Variants in OLA1 observed in about 807,000 individuals in gnomAD.
The protein encoded by OLA1 is obg-like ATPase 1.
OLA1 carries 14 observed loss-of-function variants against 48.4 expected under a neutral mutation model. The observed-to-expected ratio is 0.29, with a 90% CI of 0.19 to 0.45. The LOEUF is 0.45. Among genes scored for constraint, OLA1 ranks in the 20% least tolerant of loss-of-function variants. The probability of loss-of-function intolerance (pLI) is 1.00; values close to 1 mark genes in which losing one functional copy is unlikely to be tolerated. For synonymous variants in OLA1, 127 were observed against 150.4 expected (o/e 0.84, Z 1.14); for missense variants, 325 against 467.1 (o/e 0.70, Z 2.80).
intron 2 of OLA1, among the ~76,000 whole-genome samples, chr2:174,238,031 T>G (rs140889865): frequency 3.9e-5 from 6 of 152,286 alleles, no homozygotes; most frequent in African/African-American, 1.4e-4. Context: ...ACCAACATCA[T>G]TATGCAGCAC....
chr2:174,166,841 G>T (rs2105402047), intron 4 of OLA1, among the ~76,000 whole-genome samples: 1 of 152,186 alleles, frequency 6.6e-6, no homozygotes, highest in South Asian at 2.1e-4. Context: ...AAATTACCCT[G>T]CTAAAAGATT....
Position 174,090,476 on chromosome 2 carries a change from A to G in OLA1, c.729-8412T>C, listed in dbSNP as rs1373636317. On this transcript the variant is annotated intron_variant, in intron 7 of 10. Transcript: ENST00000284719. ...ATAGTTCCCCATTCTCCAGCTGGCA[A>G]ACGGTTTGAGGGGGCATGTGAACCA... Among the ~76,000 whole-genome samples, 8 of 152,350 alleles carry G rather than the reference A, an allele frequency of 5.3e-5. 2 individuals are homozygous for G. The Middle Eastern group carries it at 0.024, about 453-fold the overall frequency.
intron 7 of OLA1, among the ~76,000 whole-genome samples, chr2:174,091,635 C>G (rs1404058489): frequency 1.3e-5 from 2 of 151,884 alleles, no homozygotes; most frequent in Non-Finnish European, 2.9e-5. Context: ...CCTGTAATCC[C>G]AGCACTTTGG....
At chr2:174,114,172 C>CAAAAA (rs33971592) in intron 7 of OLA1, among the ~76,000 whole-genome samples, 10 of 78,182 alleles carry the variant, frequency 1.3e-4, no homozygotes, top group East Asian at 4.1e-4. Context: ...ACTAAAAATA[C>CAAAAA]AAAAAAAAAA....
At chr2:174,182,901 G>A (rs894997110) in intron 4 of OLA1, among the ~76,000 whole-genome samples, 5 of 152,140 alleles carry the variant, frequency 3.3e-5, no homozygotes, top group South Asian at 4.1e-4. Flanking sequence ...ATCTAATTGC[G>A]GGAGTTAAAC....
intron 4 of OLA1, among the ~76,000 whole-genome samples, chr2:174,179,446 T>C (rs1045404823): frequency 6.6e-6 from 1 of 151,948 alleles, no homozygotes; most frequent in Non-Finnish European, 1.5e-5. Context: ...AAGGCTTATT[T>C]ATGGGAACCT....
intron 4 of OLA1, among the ~76,000 whole-genome samples, chr2:174,192,794 C>T (rs1434577160): frequency 1.3e-5 from 2 of 152,170 alleles, no homozygotes; most frequent in African/African-American, 4.8e-5. Flanking sequence ...TCTTTCAGCA[C>T]TTCCAAAGTG....
At chr2:174,137,166 A>T (rs776733851) in intron 5 of OLA1, among the ~76,000 whole-genome samples, 35 of 152,236 alleles carry the variant, frequency 2.3e-4, no homozygotes, top group Non-Finnish European at 4.0e-4. Flanking sequence ...AGCAGGCATG[A>T]AAACAACATT....
intron 2 of OLA1, among the ~76,000 whole-genome samples, chr2:174,244,151 CCT>C (rs1412169558): frequency 6.6e-6 from 1 of 152,176 alleles, no homozygotes; most frequent in Non-Finnish European, 1.5e-5. Context: ...TTCCAATAAA[CCT>C]CTTTTTCCTG....
At chr2:174,158,806 A>G (rs955393919) in intron 4 of OLA1, among the ~76,000 whole-genome samples, 1 of 152,144 alleles carries the variant, frequency 6.6e-6, no homozygotes, top group African/African-American at 2.4e-5. Flanking sequence ...TACCCCTCCA[A>G]TGTAAAATCA....
chr2:174,133,217 C>T (rs1686222762), intron 5 of OLA1, among the ~76,000 whole-genome samples: 2 of 152,082 alleles, frequency 1.3e-5, no homozygotes, highest in South Asian at 2.1e-4. Context: ...TACAATGGTT[C>T]GTTCGATTTA....
chr2:174,084,156 A>G (rs1034524119), intron 7 of OLA1, among the ~76,000 whole-genome samples: 1 of 152,116 alleles, frequency 6.6e-6, no homozygotes, highest in Admixed American at 6.5e-5. Context: ...GTAGAGCATC[A>G]CAAGCTTAAT....
chr2:174,087,161 G>C (rs1302590147), intron 7 of OLA1, among the ~76,000 whole-genome samples: 1 of 151,476 alleles, frequency 6.6e-6, no homozygotes, highest in Non-Finnish European at 1.5e-5. Context: ...TGAGTAGCTG[G>C]GATTACAGGT....
intron 4 of OLA1, among the ~76,000 whole-genome samples, chr2:174,205,622 G>A (rs1354847720): frequency 6.6e-6 from 1 of 152,142 alleles, no homozygotes; most frequent in Non-Finnish European, 1.5e-5. Flanking sequence ...ATCTCTGCTG[G>A]TTCAATGGGG....
At chr2:174,103,811 T>C (rs1450796847) in intron 7 of OLA1, among the ~76,000 whole-genome samples, 2 of 152,114 alleles carry the variant, frequency 1.3e-5, no homozygotes, top group South Asian at 2.1e-4. Context: ...ACCAAGATGA[T>C]ACAGCTTGTG....
intron 4 of OLA1, among the ~76,000 whole-genome samples, chr2:174,147,851 T>A (rs1686647329): frequency 6.6e-6 from 1 of 152,140 alleles, no homozygotes; most frequent in African/African-American, 2.4e-5. Flanking sequence ...TGAGACAGAG[T>A]CTTGCTCTGT....
At chr2:174,189,152 CAT>C (rs1199731227) in intron 4 of OLA1, among the ~76,000 whole-genome samples, 1 of 151,772 alleles carries the variant, frequency 6.6e-6, no homozygotes, top group Non-Finnish European at 1.5e-5. Context: ...TTTCAAAAAA[CAT>C]AAAAAGGTAG....
At chr2:174,179,668 A>G (rs1209068755) in intron 4 of OLA1, among the ~76,000 whole-genome samples, 3 of 152,054 alleles carry the variant, frequency 2.0e-5, no homozygotes, top group Non-Finnish European at 4.4e-5. Flanking sequence ...TAACATTTAC[A>G]TACTGACTAA....
At chr2:174,081,725 T>C (rs1684857782) in intron 8 of OLA1, among the ~76,000 whole-genome samples, 199 bp downstream of exon 8, 2 of 152,108 alleles carry the variant, frequency 1.3e-5, no homozygotes, top group Non-Finnish European at 2.9e-5. Context: ...ATTAAAACAC[T>C]GTACGGAGAT....
Sources: allele counts gnomAD v4.1 joint callset (sites outside exome capture counted in the v4.1 genomes callset), GRCh38; gene constraint gnomAD v4.1.1; transcripts MANE v1.5; gene names NCBI Gene and HGNC (gene_info 2026-07-23, HGNC 2026-07-21).